The following EFHD1 variants were observed in gnomAD, a reference collection of about 807,000 sequenced individuals.
EFHD1 encodes EF-hand domain family member D1.
EFHD1 carries 10 observed loss-of-function variants against 17.2 expected under a neutral mutation model. That is an observed-to-expected ratio of 0.58 (90% CI 0.36 to 0.99). The LOEUF is 0.99. Ranked by LOEUF, EFHD1 falls within the 50% of genes least tolerant of loss-of-function variation. The pLI is 0.01. For missense variants in EFHD1, 310 were observed against 327.5 expected (o/e 0.95, Z 0.41); for synonymous variants, 153 against 142.0 (o/e 1.08, Z -0.55).
chr2:232,606,549 G>A, intron 1 of EFHD1: 1 of 340,302 alleles, frequency 2.9e-6, no homozygotes, highest in Admixed American at 3.9e-5. Flanking sequence ...GCTGGGGCTG[G>A]GGGACCCTGA....
chr2:232,644,792 T>TG (rs1251215090), intron 1 of EFHD1, among the ~76,000 whole-genome samples: 5 of 142,292 alleles, frequency 3.5e-5, no homozygotes, highest in African/African-American at 1.4e-4. Context: ...GCACCTGGCC[T>TG]AATTTTTTTT....
At chr2:232,646,987 C>T (rs973361366) in intron 1 of EFHD1, among the ~76,000 whole-genome samples, 2 of 152,240 alleles carry the variant, frequency 1.3e-5, no homozygotes, top group African/African-American at 4.8e-5. Context: ...CAGCTCCCTG[C>T]GGCCATGGGA....
intron 1 of EFHD1, among the ~76,000 whole-genome samples, chr2:232,660,916 C>T (rs1397255276): frequency 2.0e-5 from 3 of 151,856 alleles, no homozygotes; most frequent in Admixed American, 6.6e-5. Flanking sequence ...AGGCAGAGGT[C>T]GCAGTGAGCC....
At chr2:232,626,058 T>G (rs553671709) in intron 1 of EFHD1, among the ~76,000 whole-genome samples, 55 of 152,076 alleles carry the variant, frequency 3.6e-4, no homozygotes, top group African/African-American at 1.3e-3. Context: ...GTTGGTGGCA[T>G]GTACCTGTCT....
chr2:232,673,381 G>C (rs1382396739), intron 3 of EFHD1, among the ~76,000 whole-genome samples: 1 of 152,186 alleles, frequency 6.6e-6, no homozygotes, highest in African/African-American at 2.4e-5. Context: ...AAGGTGATAC[G>C]TGCTCTAGTT....
intron 1 of EFHD1, among the ~76,000 whole-genome samples, chr2:232,648,302 T>G (rs1367035075): frequency 6.6e-6 from 1 of 152,120 alleles, no homozygotes; most frequent in Admixed American, 6.5e-5. Context: ...TGATGAAAAC[T>G]TTGGGTCAAA....
intron 1 of EFHD1, chr2:232,638,520 C>T: frequency 2.1e-6 from 1 of 465,178 alleles, no homozygotes; most frequent in Non-Finnish European, 4.5e-6. Context: ...TTCTCGTCCC[C>T]TCTCCTCTCC....
intron 1 of EFHD1, among the ~76,000 whole-genome samples, chr2:232,635,687 C>T (rs373876719): frequency 7.2e-5 from 11 of 152,176 alleles, no homozygotes; most frequent in African/African-American, 2.2e-4. Flanking sequence ...GGAGTGGTGG[C>T]GCGGGCCTGT....
chr2:232,648,666 C>T (rs755836960), intron 1 of EFHD1, among the ~76,000 whole-genome samples: 1 of 151,960 alleles, frequency 6.6e-6, no homozygotes, highest in African/African-American at 2.4e-5. Context: ...CTGCCTTGAA[C>T]GTGCCCAGGG....
intron 1 of EFHD1, among the ~76,000 whole-genome samples, chr2:232,660,803 C>A (rs1694851910): frequency 6.6e-6 from 1 of 151,932 alleles, no homozygotes. Flanking sequence ...CATGGTGAAA[C>A]CCCGTCTCTA....
At chr2:232,671,395 C>T (rs923453827) in intron 2 of EFHD1, among the ~76,000 whole-genome samples, 2 of 152,012 alleles carry the variant, frequency 1.3e-5, no homozygotes, top group Non-Finnish European at 2.9e-5. Context: ...GCTATGAACA[C>T]ACCACAGCAC....
intron 2 of EFHD1, among the ~76,000 whole-genome samples, chr2:232,664,426 T>G (rs867317165): frequency 6.6e-6 from 1 of 151,726 alleles, no homozygotes; most frequent in African/African-American, 2.4e-5. Flanking sequence ...CTTTTTATTT[T>G]TATAGCATGC....
In EFHD1 at chr2:232,626,808, C is replaced by A. The variant is rs1284729794; in HGVS notation, c.14+20635C>A. ...GGGTATTCAGAGACACTGTCTAGAA[C>A]AATGAACAAAGTGAGCCTGTCACTT... On this transcript the variant is annotated intron_variant, in intron 1 of 3. Coordinates refer to the EFHD1 transcript ENST00000409613. Among the ~76,000 whole-genome samples, 3 of 152,096 alleles carry A rather than the reference C, an allele frequency of 2.0e-5. No homozygotes were observed. In the East Asian group the frequency reaches 5.8e-4, roughly 29 times the overall value.
chr2:232,655,488 C>T (rs1310324423), intron 1 of EFHD1, among the ~76,000 whole-genome samples: 1 of 152,208 alleles, frequency 6.6e-6, no homozygotes, highest in African/African-American at 2.4e-5. Context: ...CTGTTTCCCT[C>T]TTGTAAGTTT....
intron 1 of EFHD1, among the ~76,000 whole-genome samples, chr2:232,624,047 T>A (rs1019379839): frequency 8.5e-5 from 13 of 152,130 alleles, no homozygotes; most frequent in Non-Finnish European, 1.8e-4. Flanking sequence ...GCCAGGTGGG[T>A]CATCTTCTTA....
intron 1 of EFHD1, among the ~76,000 whole-genome samples, chr2:232,658,011 C>T (rs371668563): frequency 2.2e-4 from 32 of 143,948 alleles, no homozygotes; most frequent in African/African-American, 7.9e-4. Context: ...ACAGATTCTT[C>T]TGCCTCAGCC....
chr2:232,613,416 T>C (rs1425460762), intron 1 of EFHD1, among the ~76,000 whole-genome samples: 4 of 152,070 alleles, frequency 2.6e-5, no homozygotes, highest in Admixed American at 2.6e-4. Context: ...AGAGCAAGAC[T>C]CTGTCTCAAG....
chr2:232,620,094 G>A (rs1381458332), intron 1 of EFHD1, among the ~76,000 whole-genome samples: 1 of 148,608 alleles, frequency 6.7e-6, no homozygotes, highest in Non-Finnish European at 1.5e-5. Context: ...TTTTTTTTAA[G>A]AGACAGAGTC....
chr2:232,657,403 GTTCAC>G (rs1694782166), intron 1 of EFHD1, among the ~76,000 whole-genome samples: 1 of 152,206 alleles, frequency 6.6e-6, no homozygotes, highest in African/African-American at 2.4e-5. Context: ...ATGGGTCAGA[GTTCAC>G]TTCCCTTTCA....
Sources: allele counts gnomAD v4.1 joint callset (sites outside exome capture counted in the v4.1 genomes callset), GRCh38; gene constraint gnomAD v4.1.1; transcripts MANE v1.5; gene names NCBI Gene and HGNC (gene_info 2026-07-23, HGNC 2026-07-21).